The following MDGA2 variants were observed in gnomAD, a reference collection of about 807,000 sequenced individuals.
MDGA2 encodes the protein MAM domain containing glycosylphosphatidylinositol anchor 2.
A neutral mutation model predicts 117.8 loss-of-function variants in MDGA2; 40 were observed. The observed-to-expected ratio is 0.34, with a 90% CI of 0.26 to 0.44. The LOEUF (loss-of-function observed/expected upper bound fraction) is 0.44, where lower values mean the gene tolerates loss of function less well. Among genes scored for constraint, MDGA2 ranks in the 20% least tolerant of loss-of-function variants. The pLI is 1.00. For synonymous variants in MDGA2, 452 were observed against 439.0 expected, an observed-to-expected ratio of 1.03 and a Z score of -0.37; for missense variants, 1,123 against 1,250.6, an observed-to-expected ratio of 0.90 and a Z score of 1.54.
chr14:47,661,746 CTTTTT>C lies in MDGA2; in HGVS notation c.280+12766_280+12770del, dbSNP rs1172717995. Among the ~76,000 whole-genome samples the C allele has an allele frequency of 2.2e-3, 212 of 97,206 alleles. 1 individual carries two copies. The highest frequency in any genetic ancestry group is 8.1e-3 in the African/African-American group (204 of 25,158). 63.8% of individuals were successfully genotyped at this position (97,206 alleles called of 152,430 possible). Reference sequence around the variant, plus strand: ...GCAAAAAACGAAGTAATCAGAGTTTCTTTTTTTTTTTTTTTTTTTTTTGAGACAGA... The same window carrying C: ...GCAAAAAACGAAGTAATCAGAGTTTCTTTTTTTTTTTTTTTTTGAGACAGA... On this transcript the variant is annotated intron_variant, in intron 1 of 16. Coordinates refer to ENST00000399232, the MANE Select transcript of MDGA2 (RefSeq NM_001113498.3).
intron 1 of MDGA2, among the ~76,000 whole-genome samples, chr14:47,603,206 G>T (rs542613945): frequency 1.3e-5 from 2 of 152,222 alleles, no homozygotes; most frequent in South Asian, 2.1e-4. Context: ...CACCTTCAAA[G>T]ATTTAAATAA....
intron 3 of MDGA2, among the ~76,000 whole-genome samples, chr14:47,211,513 C>T (rs949025744): frequency 3.3e-5 from 5 of 152,174 alleles, no homozygotes; most frequent in African/African-American, 1.2e-4. Context: ...CTAAGAGACC[C>T]TGAGCTCAGG....
intron 8 of MDGA2, among the ~76,000 whole-genome samples, chr14:46,977,111 TA>T (rs1041547363): frequency 1.8e-4 from 28 of 151,910 alleles, no homozygotes; most frequent in African/African-American, 3.9e-4. Context: ...TTATGCTTCA[TA>T]AAAAAATATA....
intron 2 of MDGA2, among the ~76,000 whole-genome samples, chr14:47,238,778 C>T (rs1339328261): frequency 6.6e-6 from 1 of 151,476 alleles, no homozygotes; most frequent in Non-Finnish European, 1.5e-5. Context: ...TTAATTTCTC[C>T]ACATATAATG....
chr14:47,420,854 C>A (rs1249543954), intron 1 of MDGA2, among the ~76,000 whole-genome samples: 1 of 151,664 alleles, frequency 6.6e-6, no homozygotes, highest in African/African-American at 2.4e-5. Context: ...AATAAAGCAT[C>A]GTAGCACAAA....
intron 9 of MDGA2, among the ~76,000 whole-genome samples, chr14:46,936,326 G>C (rs1248899395): frequency 6.6e-6 from 1 of 151,862 alleles, no homozygotes; most frequent in Non-Finnish European, 1.5e-5. Context: ...TCTTCTGCTG[G>C]GCCTTCTCTT....
chr14:46,879,605 C>G (rs1882366393), intron 11 of MDGA2, among the ~76,000 whole-genome samples: 1 of 152,014 alleles, frequency 6.6e-6, no homozygotes, highest in African/African-American at 2.4e-5. Flanking sequence ...TTTCAATAAC[C>G]ACTACTAAGC....
At chr14:47,663,830 C>T (rs1897893714) in intron 1 of MDGA2, among the ~76,000 whole-genome samples, 1 of 151,882 alleles carries the variant, frequency 6.6e-6, no homozygotes, top group South Asian at 2.1e-4. Flanking sequence ...TTATTTTTTC[C>T]AATTGGGTGG....
intron 5 of MDGA2, among the ~76,000 whole-genome samples, chr14:47,129,896 A>C (rs1477501419): frequency 6.7e-6 from 1 of 148,840 alleles, no homozygotes; most frequent in Non-Finnish European, 1.5e-5. Flanking sequence ...TCTTCTTTTG[A>C]GAAGTGTCTG....
intron 2 of MDGA2, among the ~76,000 whole-genome samples, chr14:47,295,980 A>AGATAGATG (rs58307199): frequency 0.019 from 2,895 of 148,884 alleles, 87 homozygotes; most frequent in South Asian, 0.043. Flanking sequence ...ATAGATAGAT[A>AGATAGATG]TAGTAAAGCT....
At chr14:46,940,285 C>A (rs1884947587) in intron 9 of MDGA2, among the ~76,000 whole-genome samples, 1 of 152,094 alleles carries the variant, frequency 6.6e-6, no homozygotes, top group African/African-American at 2.4e-5. Flanking sequence ...ATACTATAAG[C>A]TGCATATAAA....
chr14:47,619,334 G>A (rs1301725531), intron 1 of MDGA2, among the ~76,000 whole-genome samples: 1 of 152,160 alleles, frequency 6.6e-6, no homozygotes, highest in Non-Finnish European at 1.5e-5. Context: ...ACAGTAGTTA[G>A]CTGCGTCATC....
At chr14:47,238,698 G>T (rs1886945642) in intron 2 of MDGA2, among the ~76,000 whole-genome samples, 1 of 151,660 alleles carries the variant, frequency 6.6e-6, no homozygotes, top group African/African-American at 2.4e-5. Flanking sequence ...TTTATGAAAA[G>T]ACTTTAAAGC....
chr14:47,414,207 T>C (rs1892429907), intron 1 of MDGA2, among the ~76,000 whole-genome samples: 1 of 152,114 alleles, frequency 6.6e-6, no homozygotes. Context: ...AACTTTTATT[T>C]CCATAATGTC....
intron 1 of MDGA2, among the ~76,000 whole-genome samples, chr14:47,609,465 A>ATACATATATATATATATATATATATGTAT (rs1555336021): frequency 1.9e-5 from 2 of 107,376 alleles, no homozygotes; most frequent in Non-Finnish European, 3.9e-5. Context: ...ATATATATAT[A>ATACATATATATATATATATATATATGTAT]AGTTTCTTTA....
chr14:47,572,902 G>C (rs1896046821), intron 1 of MDGA2, among the ~76,000 whole-genome samples: 1 of 152,070 alleles, frequency 6.6e-6, no homozygotes, highest in Non-Finnish European at 1.5e-5. Flanking sequence ...ACCCGACTTT[G>C]ATTAGAATTT....
At chr14:47,429,107 C>T (rs1020246571) in intron 1 of MDGA2, among the ~76,000 whole-genome samples, 1 of 151,298 alleles carries the variant, frequency 6.6e-6, no homozygotes, top group Non-Finnish European at 1.5e-5. Context: ...TGCCTGTAAT[C>T]CCAGCTACGT....
chr14:47,164,412 A>G (rs1227610390), intron 3 of MDGA2, among the ~76,000 whole-genome samples: 1 of 152,238 alleles, frequency 6.6e-6, no homozygotes, highest in East Asian at 1.9e-4. Flanking sequence ...CAAGAAAAAA[A>G]CAAACAACCC....
chr14:47,503,489 C>G (rs1000218489), intron 1 of MDGA2, among the ~76,000 whole-genome samples: 1 of 146,138 alleles, frequency 6.8e-6, no homozygotes, highest in Admixed American at 6.9e-5. Flanking sequence ...GTGGCGCAAT[C>G]TCAGCTCCTG....
Sources: allele counts gnomAD v4.1 joint callset (sites outside exome capture counted in the v4.1 genomes callset), GRCh38; gene constraint gnomAD v4.1.1; transcripts MANE v1.5; gene names NCBI Gene and HGNC (gene_info 2026-07-23, HGNC 2026-07-21).